The following CAP2 variants were observed in gnomAD, a reference collection of about 807,000 sequenced individuals.
CAP2 encodes the protein cyclase associated actin cytoskeleton regulatory protein 2.
In CAP2, 24 loss-of-function variants were observed where a neutral mutation model predicts 57.7. The observed-to-expected ratio is 0.42, with a 90% CI of 0.30 to 0.58. CAP2 has a LOEUF of 0.58. Ranked by LOEUF, CAP2 falls within the 20% of genes least tolerant of loss-of-function variation. The pLI, the probability that CAP2 is intolerant of heterozygous loss-of-function variation, is 0.22. For synonymous variants in CAP2, 194 were observed against 207.2 expected, an observed-to-expected ratio of 0.94 and a Z score of 0.55; for missense variants, 501 against 590.3, an observed-to-expected ratio of 0.85 and a Z score of 1.57.
In CAP2 at chr6:17,440,981, C is replaced by G. The variant is rs187327900; in HGVS notation, c.222+14291C>G. ...TGATGGTTTCCAGCTTCATCCGTGT[C>G]GCTACAAAGGACATGAACTCATCCT... is the stretch of plus-strand genomic sequence containing the variant. On this transcript the variant is annotated intron_variant, in intron 3 of 12. Coordinates refer to ENST00000229922, the MANE Select transcript of CAP2 (RefSeq NM_006366.3). 3.2e-4 allele frequency among the ~76,000 whole-genome samples: 49 copies of G among 151,296 alleles called. 3 individuals carry two copies. The highest frequency in any genetic ancestry group is 1.2e-3 in the African/African-American group (47 of 40,696).
intron 4 of CAP2, among the ~76,000 whole-genome samples, chr6:17,499,398 C>CA (rs71002217): frequency 0.49 from 33,926 of 69,278 alleles, 7,772 homozygotes; most frequent in Non-Finnish European, 0.58. Flanking sequence ...GACTCCATCT[C>CA]AAAAAAAAAA....
intron 6 of CAP2, among the ~76,000 whole-genome samples, 198 bp downstream of exon 6, chr6:17,507,924 T>C (rs962987677): frequency 3.3e-5 from 5 of 152,224 alleles, no homozygotes; most frequent in Admixed American, 1.3e-4. Flanking sequence ...ATATGGGTTT[T>C]AGAAAGTCTG....
At chr6:17,453,901 CTTTTTTTT>C (rs11339880) in intron 3 of CAP2, among the ~76,000 whole-genome samples, 1 of 114,968 alleles carries the variant, frequency 8.7e-6, no homozygotes, top group Admixed American at 9.1e-5. Context: ...TCTTTTTATT[CTTTTTTTT>C]TTTTTTTTTT....
At chr6:17,487,321 C>A (rs559719608) in intron 4 of CAP2, among the ~76,000 whole-genome samples, 1 of 152,302 alleles carries the variant, frequency 6.6e-6, no homozygotes, top group Non-Finnish European at 1.5e-5. Flanking sequence ...CTCTGACTCT[C>A]TCCTCCCTGA....
intron 7 of CAP2, among the ~76,000 whole-genome samples, chr6:17,525,550 C>T (rs1762483520): frequency 6.6e-6 from 1 of 152,056 alleles, no homozygotes; most frequent in East Asian, 1.9e-4. Flanking sequence ...GTTATCCTTC[C>T]ATCCTCAGCG....
intron 4 of CAP2, among the ~76,000 whole-genome samples, chr6:17,498,643 A>C (rs1281549499): frequency 6.6e-6 from 1 of 152,202 alleles, no homozygotes; most frequent in Non-Finnish European, 1.5e-5. Context: ...TAAACATTAA[A>C]TTAAATTATA....
intron 4 of CAP2, among the ~76,000 whole-genome samples, chr6:17,506,516 C>T (rs1362904498): frequency 1.3e-5 from 2 of 151,912 alleles, no homozygotes; most frequent in Admixed American, 6.6e-5. Flanking sequence ...GGCAGCCACC[C>T]GTTGTCCCAG....
chr6:17,533,810 C>T, intron 7 of CAP2, among the ~76,000 whole-genome samples: 1 of 152,130 alleles, frequency 6.6e-6, no homozygotes, highest in East Asian at 1.9e-4. Context: ...TCGTGATCCA[C>T]CCACCTCGGC....
At chr6:17,442,756 C>T (rs1760125596) in intron 3 of CAP2, among the ~76,000 whole-genome samples, 1 of 149,988 alleles carries the variant, frequency 6.7e-6, no homozygotes, top group African/African-American at 2.5e-5. Context: ...ATCACTCTTT[C>T]ACCCAGGCTG....
Position 17,541,033 on chromosome 6 carries a change from G to A in CAP2, c.887G>A (p.Gly296Glu), listed in dbSNP as rs747149347. ...AAAAATCCCAGCCTGCGGGCTCAAG[G>A]AGGGCAAACTCAATCTCCCACCAAA... is the stretch of plus-strand genomic sequence containing the variant. ...TYKNPSLRAQ[G>E]GQTQSPTKSH... is the part of the protein sequence containing the mutation. Residue 296 changes from glycine to glutamate, a missense_variant, in exon 9 of 13, where the codon GGA (glycine) becomes GAA (glutamate). Physicochemically the swap from Gly to Glu is moderately conservative, Grantham distance 98 (BLOSUM62 -2). Transcript: ENST00000229922. 2 of 1,614,098 alleles carry A rather than the reference G, an allele frequency of 1.2e-6. No homozygotes were observed. Among genetic ancestry groups the A allele is most frequent in the Non-Finnish European group, 1.7e-6 (2 of 1,179,992 alleles).
At chr6:17,415,189 C>G (rs1759243287) in intron 1 of CAP2, among the ~76,000 whole-genome samples, 1 of 152,194 alleles carries the variant, frequency 6.6e-6, no homozygotes. Context: ...GTGAGGAGAA[C>G]TTTCAGCTAG....
chr6:17,425,522 G>A (rs1759567446), intron 2 of CAP2, among the ~76,000 whole-genome samples: 1 of 152,138 alleles, frequency 6.6e-6, no homozygotes, highest in African/African-American at 2.4e-5. Context: ...CTTGGTAACT[G>A]TTTGTAAGGT....
At chr6:17,397,433 G>A (rs1758696301) in intron 1 of CAP2, among the ~76,000 whole-genome samples, 2 of 151,772 alleles carry the variant, frequency 1.3e-5, no homozygotes, top group Non-Finnish European at 1.5e-5. Context: ...GGTGGCTCAC[G>A]CCTGTAATCC....
chr6:17,433,597 G>A (rs1321512474), intron 3 of CAP2, among the ~76,000 whole-genome samples: 1 of 152,230 alleles, frequency 6.6e-6, no homozygotes, highest in Non-Finnish European at 1.5e-5. Flanking sequence ...ACAGAACTCT[G>A]TCCCTCTAGG....
chr6:17,452,964 T>A (rs1207998735), intron 3 of CAP2, among the ~76,000 whole-genome samples: 4 of 152,218 alleles, frequency 2.6e-5, no homozygotes, highest in African/African-American at 9.6e-5. Context: ...GGGGGCCACA[T>A]ATTTTAACTC....
At position 17,483,690 on chromosome 6, in the gene CAP2, T is replaced by C. The variant is rs542691443; in HGVS notation, c.300+20617T>C. Reference sequence around the variant, plus strand: ...GGCCCCTTGATAGAGAATTCTCACATGCCCAGCTCCACCACTGTGCCACAA... The same window carrying C: ...GGCCCCTTGATAGAGAATTCTCACACGCCCAGCTCCACCACTGTGCCACAA... On this transcript the variant is annotated intron_variant, in intron 4 of 12. Transcript: ENST00000229922. 8.5e-5 allele frequency among the ~76,000 whole-genome samples: 13 copies of C among 152,296 alleles called. No individual in the cohort carries two copies. In the South Asian group the frequency reaches 2.7e-3, roughly 32 times the overall value.
At chr6:17,421,508 C>T (rs773039852) in intron 1 of CAP2, 47 bp from the exon 2 acceptor site, 5 of 1,610,360 alleles carry the variant, frequency 3.1e-6, no homozygotes, top group Non-Finnish European at 3.4e-6. Context: ...GTTTACTCAT[C>T]CTCCCTGATG....
At chr6:17,444,270 G>A (rs1048117599) in intron 3 of CAP2, among the ~76,000 whole-genome samples, 2 of 152,180 alleles carry the variant, frequency 1.3e-5, no homozygotes, top group Non-Finnish European at 2.9e-5. Flanking sequence ...TATTAAGGAA[G>A]AATGGAATCA....
chr6:17,464,203 C>G (rs1760803410), intron 4 of CAP2, among the ~76,000 whole-genome samples: 1 of 152,020 alleles, frequency 6.6e-6, no homozygotes, highest in Non-Finnish European at 1.5e-5. Flanking sequence ...GTGGCACTAC[C>G]AGCATACTTT....
Sources: allele counts gnomAD v4.1 joint callset (sites outside exome capture counted in the v4.1 genomes callset), GRCh38; gene constraint gnomAD v4.1.1; transcripts MANE v1.5; gene names NCBI Gene and HGNC (gene_info 2026-07-23, HGNC 2026-07-21).